The following KIAA1586 variants were observed in gnomAD, a reference collection of about 807,000 sequenced individuals.
KIAA1586 encodes KIAA1586.
A neutral mutation model predicts 6.1 loss-of-function variants in KIAA1586; 5 were observed. That is an observed-to-expected ratio of 0.82 (90% CI 0.43 to 1.73). KIAA1586 has a LOEUF of 1.73. Ranked by LOEUF, KIAA1586 falls within the 40% of genes most tolerant of loss-of-function variation. The pLI is 0.02. For missense variants in KIAA1586, 899 were observed against 878.2 expected, an observed-to-expected ratio of 1.02 and a Z score of -0.30; for synonymous variants, 280 against 301.7, an observed-to-expected ratio of 0.93 and a Z score of 0.75.
chr6:57,055,734 GAA>G (rs1474540325), downstream of KIAA1586, among the ~76,000 whole-genome samples: 1 of 152,116 alleles, frequency 6.6e-6, no homozygotes, highest in African/African-American at 2.4e-5. Flanking sequence ...AAGGCATACT[GAA>G]AAAGAATCAA....
In KIAA1586 at chr6:57,054,811, A is replaced by C. The variant is rs1481545042; in HGVS notation, c.2312A>C (p.Lys771Thr). ...RLATDTRVRQKSTKVFHENQL... is the reference protein window; with the variant it reads ...RLATDTRVRQTSTKVFHENQL... ...GCTACAGATACAAGAGTTCGGCAAA[A>C]GTCAACAAAAGTCTTCCATGAGAAT... The change falls in exon 4 of 4, where the codon AAG (lysine) becomes ACG (threonine). Residue 771 changes from lysine to threonine, a missense_variant. Physicochemically the swap from Lys to Thr is moderately conservative, Grantham distance 78. Transcript: ENST00000370733. 6.4e-7 allele frequency: 1 copy of C among 1,550,992 alleles called. No individual in the cohort carries two copies. Among genetic ancestry groups the C allele is most frequent in the East Asian group, 2.4e-5 (1 of 40,884 alleles).
chr6:57,065,754 C>A, the KIAA1586 span, among the ~76,000 whole-genome samples: 2 of 152,148 alleles, frequency 1.3e-5, no homozygotes, highest in Non-Finnish European at 2.9e-5. Flanking sequence ...CCCTTTCGAA[C>A]TGAATACCTG....
In KIAA1586 at chr6:57,054,045, A is replaced by G; in HGVS notation, c.1546A>G (p.Arg516Gly). The G allele has an allele frequency of 1.9e-6, 3 of 1,610,704 alleles. No homozygotes were observed. Among genetic ancestry groups the G allele is most frequent in the South Asian group, 2.2e-5 (2 of 90,420 alleles). ...TCATTCTTACTCTGGTTTGGCGAAG[A>G]GATTAGCTAACATTAATTTCTTACA... is the stretch of plus-strand genomic sequence containing the variant. The part of the protein sequence containing the change: ...FSHSYSGLAK[R>G]LANINFLQDL... The change falls in exon 4 of 4, where the codon AGA becomes GGA. Residue 516 changes from arginine (R) to glycine (G), a missense_variant. By Grantham distance (125) the Arg-to-Gly change is moderately radical (BLOSUM62 -2). Transcript: ENST00000370733.
intron 3 of KIAA1586, 49 bp downstream of exon 3, chr6:57,050,903 A>G (rs753493670): frequency 2.3e-6 from 3 of 1,316,576 alleles, no homozygotes; most frequent in Non-Finnish European, 3.3e-6. Context: ...TAAGTGCAAT[A>G]GTGTGTTGGT....
At chr6:57,056,915 A>T (rs1222098475), downstream of KIAA1586, among the ~76,000 whole-genome samples, 1 of 152,090 alleles carries the variant, frequency 6.6e-6, no homozygotes, top group Non-Finnish European at 1.5e-5. Context: ...TAAAAGCCTA[A>T]ATAAGATGTT....
rs950074321 is a variant in KIAA1586, at chr6:57,055,083, A to T, written c.*220A>T. The T allele has an allele frequency of 7.2e-6, 3 of 418,558 alleles. No homozygotes were observed. Among genetic ancestry groups the T allele is most frequent in the African/African-American group, 2.0e-5 (1 of 50,546 alleles). 25.9% of individuals were successfully genotyped at this position (418,558 alleles called of 1,614,324 possible). A position where few individuals can be genotyped will look rare whatever the true frequency, so the allele number is the denominator to read the frequency against. ...TAGAGTGGGTCATAATACATATTCC[A>T]TGAAGTTCTGTACAGAACAAACACC... On this transcript the variant is annotated 3_prime_UTR_variant, in exon 4 of 4. Coordinates refer to ENST00000370733, the MANE Select transcript of KIAA1586 (RefSeq NM_020931.4).
chr6:57,057,268 A>T (rs1314768508), downstream of KIAA1586, among the ~76,000 whole-genome samples: 1 of 152,132 alleles, frequency 6.6e-6, no homozygotes, highest in Non-Finnish European at 1.5e-5. Flanking sequence ...TTAAGCACCA[A>T]ACAATTGCTA....
At position 57,053,560 on chromosome 6, in the gene KIAA1586, T is replaced by TGGTG; in HGVS notation, c.1062_1065dup (p.Ser356GlyfsTer18). 1 of 1,612,682 alleles carries TGGTG rather than the reference T, an allele frequency of 6.2e-7. No individual in the cohort carries two copies. Among genetic ancestry groups the TGGTG allele is most frequent in the East Asian group, 2.2e-5 (1 of 44,832 alleles). On this transcript the variant is annotated frameshift_variant, in exon 4 of 4. Coordinates refer to ENST00000370733, the MANE Select transcript of KIAA1586 (RefSeq NM_020931.4). LOFTEE classifies it low-confidence loss of function (END_TRUNC). ...ATGTTATTTGTGGCTTTAAAAGAAT[T>TGGTG]GGTGTCAACTATAGCAGAGTGTATT...
At chr6:57,065,779 G>A in the KIAA1586 span, among the ~76,000 whole-genome samples, 12 of 152,100 alleles carry the variant, frequency 7.9e-5, no homozygotes, top group Non-Finnish European at 1.8e-4. Context: ...CTTCAATTCA[G>A]AGAAATTTTA....
chr6:57,063,452 T>TTC, the KIAA1586 span, among the ~76,000 whole-genome samples: 7 of 136,078 alleles, frequency 5.1e-5, no homozygotes, highest in Non-Finnish European at 1.1e-4. Context: ...TGTTATTTCT[T>TTC]TTTTTTTTTT....
downstream of KIAA1586, among the ~76,000 whole-genome samples, chr6:57,057,730 C>T (rs945242338): frequency 7.9e-5 from 12 of 151,896 alleles, no homozygotes; most frequent in African/African-American, 2.4e-4. Context: ...CCTGCCTGAG[C>T]GACGGAGCAA....
the KIAA1586 span, among the ~76,000 whole-genome samples, chr6:57,064,657 GT>G: frequency 2.2e-4 from 33 of 152,294 alleles, no homozygotes; most frequent in African/African-American, 7.2e-4. Context: ...AGGTGGATTC[GT>G]GGATGGTGGG....
Position 57,052,707 on chromosome 6 carries a change from A to C in KIAA1586, c.208A>C (p.Lys70Gln), listed in dbSNP as rs777762311. The C allele has an allele frequency of 6.4e-7, 1 of 1,564,558 alleles. No homozygotes were observed. Among genetic ancestry groups the C allele is most frequent in the South Asian group, 1.2e-5 (1 of 82,762 alleles). ...YSDILFPKMP[K>Q]RQGDFLHFLN... ...TCAGATTCTGTTTCCTAAAATGCCA[A>C]AACGACAGGGTGATTTTTTGCATTT... The change falls in exon 4 of 4, where the codon AAA becomes CAA. Residue 70 changes from lysine (K) to glutamine (Q), a missense_variant. By Grantham distance (53) the Lys-to-Gln change is moderately conservative. Coordinates refer to ENST00000370733, the MANE Select transcript of KIAA1586 (RefSeq NM_020931.4).
At chr6:57,048,716 G>A (rs1828246046) in intron 2 of KIAA1586, among the ~76,000 whole-genome samples, 1 of 152,194 alleles carries the variant, frequency 6.6e-6, no homozygotes, top group South Asian at 2.1e-4. Context: ...GATTGGGACA[G>A]ATGATCTTGA....
rs777796181 is a variant in KIAA1586, at chr6:57,046,742, C to T, written c.-14C>T. On this transcript the variant is annotated 5_prime_UTR_variant, in exon 1 of 4. Transcript: ENST00000370733. The stretch of plus-strand genomic sequence containing the variant: ...AGCAGGAGCAGTGGTGCTGTCAGCG[C>T]GGCCGTCGGAGACATGGGAGACCCG... 9 of 1,612,722 alleles carry T rather than the reference C, an allele frequency of 5.6e-6. No individual in the cohort carries two copies. Among genetic ancestry groups the T allele is most frequent in the Non-Finnish European group, 7.6e-6 (9 of 1,179,476 alleles).
chr6:57,050,957 C>T (rs553801982), intron 3 of KIAA1586, 103 bp downstream of exon 3: 72 of 813,856 alleles, frequency 8.8e-5, no homozygotes, highest in African/African-American at 8.3e-4. Context: ...TGGCCAGGCA[C>T]GGTGGCTCTC....
rs1828361175 is a variant in KIAA1586, at chr6:57,052,721, T to C, written c.222T>C (p.Asp74=). The C allele has an allele frequency of 6.3e-7, 1 of 1,576,432 alleles. No individual in the cohort carries two copies. The highest frequency in any genetic ancestry group is 1.2e-5 in the South Asian group (1 of 84,360). ...LFPKMPKRQG[D]FLHFLNVKKV... ...CTAAAATGCCAAAACGACAGGGTGATTTTTTGCATTTTTTAAATGTGAAGA... is the reference window on the plus strand; with the variant it reads ...CTAAAATGCCAAAACGACAGGGTGACTTTTTGCATTTTTTAAATGTGAAGA... Residue 74 remains aspartate, a synonymous_variant, in exon 4 of 4, where the codon GAT becomes GAC. Coordinates refer to ENST00000370733, the MANE Select transcript of KIAA1586 (RefSeq NM_020931.4).
chr6:57,054,243 A>G lies in KIAA1586; in HGVS notation c.1744A>G (p.Ile582Val). The G allele has an allele frequency of 6.3e-7, 1 of 1,594,876 alleles. No individual in the cohort carries two copies. ...GKYESQIEDLIKSDKFKDIPF... is the reference protein window; with the variant it reads ...GKYESQIEDLVKSDKFKDIPF... ...GTATGAATCTCAAATTGAAGATTTGATCAAGTCAGATAAGTTTAAAGATAT... is the reference window on the plus strand; with the variant it reads ...GTATGAATCTCAAATTGAAGATTTGGTCAAGTCAGATAAGTTTAAAGATAT... The change falls in exon 4 of 4, where the codon ATC becomes GTC. Residue 582 changes from isoleucine to valine, a missense_variant. Coordinates refer to ENST00000370733, the MANE Select transcript of KIAA1586 (RefSeq NM_020931.4).
At chr6:57,056,395 G>C (rs13196529), downstream of KIAA1586, among the ~76,000 whole-genome samples, 1 of 151,496 alleles carries the variant, frequency 6.6e-6, no homozygotes, top group African/African-American at 2.4e-5. Flanking sequence ...TTTTTATAGA[G>C]ACGGGGTTCC....
Sources: allele counts gnomAD v4.1 joint callset (sites outside exome capture counted in the v4.1 genomes callset), GRCh38; gene constraint gnomAD v4.1.1; transcripts MANE v1.5; gene names NCBI Gene and HGNC (gene_info 2026-07-23, HGNC 2026-07-21).